Variants in CCR6 observed in about 807,000 individuals in gnomAD.
CCR6 encodes C-C chemokine receptor type 6.
In CCR6, 2 loss-of-function variants were observed where a neutral mutation model predicts 3.0. The observed-to-expected ratio is 0.66, with a 90% CI of 0.27 to 2.07. The LOEUF (loss-of-function observed/expected upper bound fraction) is 2.07, where lower values mean the gene tolerates loss of function less well. CCR6 is among the 30% of genes most tolerant of loss of function. The probability of loss-of-function intolerance (pLI) is 0.14; values close to 1 mark genes in which losing one functional copy is unlikely to be tolerated. For synonymous variants in CCR6, 193 were observed against 184.3 expected (o/e 1.05, Z -0.38); for missense variants, 322 against 462.8 (o/e 0.70, Z 2.79).
chr6:167,131,853 T>C (rs1308336044), intron 1 of CCR6, among the ~76,000 whole-genome samples: 1 of 152,200 alleles, frequency 6.6e-6, no homozygotes, highest in East Asian at 1.9e-4. Flanking sequence ...CTAATTTATA[T>C]GCAATAAATG....
intron 1 of CCR6, among the ~76,000 whole-genome samples, chr6:167,113,031 G>A (rs1243344758): frequency 1.3e-5 from 2 of 151,594 alleles, no homozygotes; most frequent in African/African-American, 2.4e-5. Flanking sequence ...AATCTCGGAT[G>A]CACTTGTTGT....
chr6:167,117,615 C>T (rs75346490), intron 1 of CCR6, among the ~76,000 whole-genome samples: 3 of 151,660 alleles, frequency 2.0e-5, no homozygotes. Flanking sequence ...TGGGGTTTCA[C>T]CGTGTCAGCC....
At chr6:167,131,619 C>T in intron 1 of CCR6, 1 of 155,804 alleles carries the variant, frequency 6.4e-6, no homozygotes, top group African/African-American at 2.4e-5. Flanking sequence ...CTCCCCCTCG[C>T]TGTCCCCAAG....
chr6:167,120,039 C>T (rs534963451), upstream of CCR6, among the ~76,000 whole-genome samples: 20 of 152,218 alleles, frequency 1.3e-4, no homozygotes, highest in East Asian at 7.7e-4. Flanking sequence ...AAGTTTTGTG[C>T]GCACAATGAG....
intron 1 of CCR6, among the ~76,000 whole-genome samples, chr6:167,124,360 C>T (rs1398069484): frequency 1.3e-5 from 2 of 151,492 alleles, no homozygotes; most frequent in African/African-American, 2.4e-5. Flanking sequence ...TCCTTAGCCA[C>T]TCTCATTCAA....
At chr6:167,117,486 G>A (rs566049518) in intron 1 of CCR6, among the ~76,000 whole-genome samples, 1 of 132,980 alleles carries the variant, frequency 7.5e-6, no homozygotes, top group Non-Finnish European at 1.5e-5. Context: ...GCACGATCTC[G>A]ACTCACTGCA....
In CCR6 at chr6:167,136,749, G is replaced by T; in HGVS notation, c.519G>T (p.Gly173=). 1 of 1,614,004 alleles carries T rather than the reference G, an allele frequency of 6.2e-7. No individual in the cohort carries two copies. The highest frequency in any genetic ancestry group is 8.5e-7 in the Non-Finnish European group (1 of 1,180,040). Residue 173 remains glycine, a synonymous_variant, in exon 3 of 3, where the codon GGG becomes GGT. Coordinates refer to ENST00000341935, the MANE Select transcript of CCR6 (RefSeq NM_031409.4). This position sits in a 1 kb window ranked among gnomAD's most constrained non-coding sequence, Gnocchi z 4.6. ...RSKIICLVVW[G]LSVIISSSTF... The stretch of plus-strand genomic sequence containing the variant: ...AAATCATCTGCCTTGTTGTGTGGGG[G>T]CTGTCAGTCATCATCTCCAGCTCAA...
intron 1 of CCR6, chr6:167,127,347 A>T: frequency 6.6e-6 from 1 of 152,208 alleles, no homozygotes. Context: ...AGGGCTCTGA[A>T]GGGCCACTGA....
At chr6:167,127,310 G>T (rs1421503009) in intron 1 of CCR6, 1 of 152,120 alleles carries the variant, frequency 6.6e-6, no homozygotes, top group Non-Finnish European at 1.5e-5. Flanking sequence ...GAGTGAGAAG[G>T]TTTGGGAAAT....
At chr6:167,132,709 T>C (rs1781789888) in intron 1 of CCR6, among the ~76,000 whole-genome samples, 1 of 152,102 alleles carries the variant, frequency 6.6e-6, no homozygotes, top group Non-Finnish European at 1.5e-5. Flanking sequence ...CCTGGCTAAT[T>C]TTTGTATTTT....
At chr6:167,112,239 G>T (rs1388914800) in intron 1 of CCR6, among the ~76,000 whole-genome samples, 1 of 152,132 alleles carries the variant, frequency 6.6e-6, no homozygotes, top group Non-Finnish European at 1.5e-5. Context: ...AGAGACTTTG[G>T]TATGTGTTAT....
At chr6:167,135,895 G>T in intron 1 of CCR6, 143 bp from the exon 2 acceptor site, 1 of 518,062 alleles carries the variant, frequency 1.9e-6, no homozygotes, top group South Asian at 3.4e-5. Flanking sequence ...GGTTGCTGAT[G>T]CCTATTCTCA....
Position 167,136,649 on chromosome 6 carries a change from G to T in CCR6, c.419G>T (p.Ser140Ile), listed in dbSNP as rs1377155503. ...NCGMLLLTCISMDRYIAIVQA... is the reference protein window; with the variant it reads ...NCGMLLLTCIIMDRYIAIVQA... ...GGGATGCTGCTCCTGACTTGCATTA[G>T]CATGGACCGGTACATCGCCATTGTA... is the stretch of plus-strand genomic sequence containing the variant. The change falls in exon 3 of 3, where the codon AGC becomes ATC. Residue 140 changes from serine to isoleucine, a missense_variant. Coordinates refer to ENST00000341935, the MANE Select transcript of CCR6 (RefSeq NM_031409.4). The surrounding 1 kb of genome is among the most constrained non-coding windows in gnomAD (Gnocchi z 4.6). 6.2e-7 allele frequency: 1 copy of T among 1,614,130 alleles called. No individual in the cohort carries two copies. The highest frequency in any genetic ancestry group is 8.5e-7 in the Non-Finnish European group (1 of 1,180,046).
intron 1 of CCR6, among the ~76,000 whole-genome samples, chr6:167,130,840 A>T (rs1014389576): frequency 1.3e-5 from 2 of 149,092 alleles, no homozygotes; most frequent in Non-Finnish European, 3.0e-5. Context: ...AACAGGACGG[A>T]GTAGGCCAGC....
chr6:167,132,441 G>A (rs983670154), intron 1 of CCR6, among the ~76,000 whole-genome samples: 16 of 152,296 alleles, frequency 1.1e-4, no homozygotes, highest in African/African-American at 3.6e-4. Context: ...AACAAAGTGT[G>A]AGAGCCCCAG....
At chr6:167,124,453 A>G (rs1230650282) in intron 1 of CCR6, among the ~76,000 whole-genome samples, 1 of 152,218 alleles carries the variant, frequency 6.6e-6, no homozygotes, top group Non-Finnish European at 1.5e-5. Context: ...CCATGATTCA[A>G]ATAAACTTAG....
intron 1 of CCR6, among the ~76,000 whole-genome samples, chr6:167,113,519 A>C (rs2114907210): frequency 6.6e-6 from 1 of 152,296 alleles, no homozygotes; most frequent in South Asian, 2.1e-4. Flanking sequence ...TATTGGAAGG[A>C]TCTCAGTGTG....
At position 167,137,976 on chromosome 6, in the gene CCR6, A is replaced by C. The variant is rs527610365; in HGVS notation, c.*621A>C. 6.5e-6 allele frequency: 1 copy of C among 153,102 alleles called. No homozygotes were observed. Among genetic ancestry groups the C allele is most frequent in the South Asian group, 2.1e-4 (1 of 4,844 alleles). 9.5% of individuals were successfully genotyped at this position (153,102 alleles called of 1,614,324 possible). On this transcript the variant is annotated 3_prime_UTR_variant, in exon 3 of 3. Transcript: ENST00000341935. The surrounding 1 kb of genome is among the most constrained non-coding windows in gnomAD (Gnocchi z 4.6). ...GGAAGTGCTTCGGGAAGAAGGGGAC[A>C]ATGGCAGAACAGGTGTTGGTGACAA... is the stretch of plus-strand genomic sequence containing the variant.
chr6:167,130,170 G>A (rs761325003), intron 1 of CCR6, among the ~76,000 whole-genome samples: 1 of 151,772 alleles, frequency 6.6e-6, no homozygotes, highest in Non-Finnish European at 1.5e-5. Context: ...GGGACCACGT[G>A]TGAGATAGGA....
Sources: allele counts gnomAD v4.1 joint callset (sites outside exome capture counted in the v4.1 genomes callset), GRCh38; gene constraint gnomAD v4.1.1; non-coding constraint Gnocchi (gnomAD v3.1); transcripts MANE v1.5; gene names NCBI Gene and HGNC (gene_info 2026-07-23, HGNC 2026-07-21).